DMXL2: variants seen among roughly 807,000 people sequenced by gnomAD.
DMXL2 encodes Dmx like 2, also known as dmX-like protein 2.
Under a neutral mutation model 331.1 loss-of-function variants are expected in DMXL2, and 103 were observed. That is an observed-to-expected ratio of 0.31 (90% CI 0.27 to 0.37). DMXL2 has a LOEUF of 0.37. Among genes scored for constraint, DMXL2 ranks in the 10% least tolerant of loss-of-function variants. DMXL2 has a pLI of 1.00. For missense variants in DMXL2, 3,171 were observed against 3,642.9 expected (o/e 0.87, Z 3.33); for synonymous variants, 1,281 against 1,252.1 (o/e 1.02, Z -0.49).
Position 51,474,037 on chromosome 15 carries a change from C to T in DMXL2, c.7213+307G>A, listed in dbSNP as rs565907997. Reference sequence around the variant, plus strand: ...TTTTTTCATTTTATTGTCTTAGGAACTACTCTTTTTGTATGACTTTGTTCC... The same window carrying T: ...TTTTTTCATTTTATTGTCTTAGGAATTACTCTTTTTGTATGACTTTGTTCC... On this transcript the variant is annotated intron_variant, in intron 28 of 43. Coordinates refer to ENST00000560891, the MANE Select transcript of DMXL2 (RefSeq NM_001378457.1). Among the ~76,000 whole-genome samples the T allele has an allele frequency of 4.0e-4, 59 of 149,134 alleles. 1 individual carries two copies. The highest frequency in any genetic ancestry group is 3.7e-4 in the African/African-American group (15 of 40,908).
At chr15:51,535,934 T>A in intron 12 of DMXL2, 150 bp from the exon 13 acceptor site, 1 of 1,025,840 alleles carries the variant, frequency 9.7e-7, no homozygotes, top group Non-Finnish European at 1.4e-6. Context: ...AGATACAAAA[T>A]TATTAACAAA....
chr15:51,517,301 A>T, intron 13 of DMXL2, 134 bp from the exon 14 acceptor site: 1 of 626,348 alleles, frequency 1.6e-6, no homozygotes, highest in South Asian at 2.0e-5. Context: ...CATTCAAAGA[A>T]ATACTTCAAC....
chr15:51,566,714 T>C (rs1447728511), intron 3 of DMXL2, among the ~76,000 whole-genome samples: 1 of 152,190 alleles, frequency 6.6e-6, no homozygotes, highest in African/African-American at 2.4e-5. Flanking sequence ...ACCAAAACCA[T>C]TTGTTTTAAG....
intron 28 of DMXL2, among the ~76,000 whole-genome samples, chr15:51,473,000 T>C (rs537857292): frequency 6.8e-6 from 1 of 147,986 alleles, no homozygotes; most frequent in African/African-American, 2.5e-5. Context: ...CAACACTCCC[T>C]CTTCATGACA....
At chr15:51,535,899 T>C (rs571107567) in intron 12 of DMXL2, 115 bp from the exon 13 acceptor site, 29 of 1,243,966 alleles carry the variant, frequency 2.3e-5, no homozygotes, top group Non-Finnish European at 3.2e-5. Context: ...TGGTCTAGAA[T>C]CATAATTAAA....
chr15:51,567,692 A>G (rs1020709029), intron 3 of DMXL2: 1 of 152,284 alleles, frequency 6.6e-6, no homozygotes, highest in African/African-American at 2.4e-5. Flanking sequence ...ACCAGAGAGG[A>G]CAAGAACTTA....
intron 23 of DMXL2, among the ~76,000 whole-genome samples, chr15:51,483,088 C>A (rs1337955336): frequency 1.3e-5 from 2 of 152,172 alleles, no homozygotes. Context: ...CATCAGCCCT[C>A]ATGGCCACCA....
At chr15:51,504,320 C>G (rs942449594) in intron 16 of DMXL2, among the ~76,000 whole-genome samples, 8 of 152,156 alleles carry the variant, frequency 5.3e-5, no homozygotes, top group Non-Finnish European at 1.2e-4. Flanking sequence ...AGCCTCCTAT[C>G]AAGTACTCAA....
At chr15:51,517,314 T>C in intron 13 of DMXL2, 147 bp from the exon 14 acceptor site, 1 of 607,372 alleles carries the variant, frequency 1.6e-6, no homozygotes, top group Non-Finnish European at 2.9e-6. Context: ...ACTTCAACTT[T>C]CCATACTCAT....
At chr15:51,544,619 G>A (rs1358386095) in intron 8 of DMXL2, among the ~76,000 whole-genome samples, 1 of 152,050 alleles carries the variant, frequency 6.6e-6, no homozygotes, top group Non-Finnish European at 1.5e-5. Context: ...TAATATTTCT[G>A]CTTGGTAAAA....
At position 51,464,983 on chromosome 15, in the gene DMXL2, T is replaced by G. The variant is rs142268105; in HGVS notation, c.7607-107A>C. ...GAGATAATACTTCTGAAAATACAAATAAATCTGCAAATGTTAATGTAATAC... is the reference window on the plus strand; with the variant it reads ...GAGATAATACTTCTGAAAATACAAAGAAATCTGCAAATGTTAATGTAATAC... On this transcript the variant is annotated intron_variant, in intron 31 of 43. Transcript: ENST00000560891. The G allele has an allele frequency of 1.1e-3, 1,090 of 1,004,176 alleles. 7 individuals carry two copies. In the African/African-American group the frequency reaches 0.015, roughly 14 times the overall value. 62.2% of individuals were successfully genotyped at this position (1,004,176 alleles called of 1,614,324 possible).
At chr15:51,607,762 C>T (rs867762878) in intron 1 of DMXL2, among the ~76,000 whole-genome samples, 2 of 152,308 alleles carry the variant, frequency 1.3e-5, no homozygotes, top group Middle Eastern at 6.8e-3. Context: ...AAAGAACCAA[C>T]AGTAAATTAG....
intron 19 of DMXL2, 59 bp from the exon 20 acceptor site, chr15:51,491,806 A>G: frequency 1.4e-6 from 2 of 1,450,702 alleles, no homozygotes; most frequent in Middle Eastern, 1.8e-4. Flanking sequence ...AAGAAAAACA[A>G]TTTTTCATGC....
chr15:51,619,769 A>G (rs1469799748), intron 1 of DMXL2, among the ~76,000 whole-genome samples: 1 of 152,210 alleles, frequency 6.6e-6, no homozygotes, highest in Admixed American at 6.5e-5. Flanking sequence ...AGTTAGTTGC[A>G]AGACAGTAGT....
chr15:51,466,148 C>CA (rs10706765), intron 30 of DMXL2, 36 bp downstream of exon 30: 1,373 of 1,369,052 alleles, frequency 1.0e-3, no homozygotes, highest in East Asian at 3.2e-3. Context: ...AAAGAAAAGC[C>CA]AAAAAAAAAA....
At chr15:51,582,278 A>G (rs1260307689) in intron 1 of DMXL2, among the ~76,000 whole-genome samples, 1 of 152,216 alleles carries the variant, frequency 6.6e-6, no homozygotes, top group Non-Finnish European at 1.5e-5. Flanking sequence ...CAAGGTAAAT[A>G]CATGACTATA....
At chr15:51,471,499 G>T in intron 28 of DMXL2, 98 bp from the exon 29 acceptor site, 1 of 1,189,386 alleles carries the variant, frequency 8.4e-7, no homozygotes, top group Non-Finnish European at 1.2e-6. Context: ...GCCATGTTTT[G>T]GTCTAAACTA....
intron 13 of DMXL2, among the ~76,000 whole-genome samples, chr15:51,521,796 A>G (rs1224391745): frequency 1.3e-5 from 2 of 152,200 alleles, no homozygotes; most frequent in African/African-American, 4.8e-5. Flanking sequence ...TATTCATTTT[A>G]ACACTCTTAG....
chr15:51,594,484 T>C (rs2052638822), intron 1 of DMXL2, among the ~76,000 whole-genome samples: 1 of 152,054 alleles, frequency 6.6e-6, no homozygotes, highest in African/African-American at 2.4e-5. Flanking sequence ...CTACCAGAGG[T>C]ACAAGGAGGA....
Sources: gnomAD v4.1 joint callset for allele counts (sites outside exome capture counted in the v4.1 genomes callset) on GRCh38, gnomAD v4.1.1 for gene constraint, MANE v1.5 for transcripts, NCBI Gene and HGNC (gene_info 2026-07-23, HGNC 2026-07-21) for gene names.